The following THSD4 variants were observed in gnomAD, a reference collection of about 807,000 sequenced individuals.
The protein encoded by THSD4 is thrombospondin type 1 domain containing 4, also known as thrombospondin type-1 domain-containing protein 4.
A neutral mutation model predicts 119.0 loss-of-function variants in THSD4; 69 were observed. The observed-to-expected ratio is 0.58, with a 90% CI of 0.48 to 0.71. THSD4 has a LOEUF of 0.71. Ranked by LOEUF, THSD4 falls within the 30% of genes least tolerant of loss-of-function variation. The pLI is 0.00. For synonymous variants in THSD4, 524 were observed against 540.4 expected, an observed-to-expected ratio of 0.97 and a Z score of 0.42; for missense variants, 1,393 against 1,391.1, an observed-to-expected ratio of 1.00 and a Z score of -0.02.
At chr15:71,682,004 C>T (rs780280244) in intron 8 of THSD4, among the ~76,000 whole-genome samples, 2 of 152,190 alleles carry the variant, frequency 1.3e-5, no homozygotes, top group East Asian at 3.8e-4. Context: ...ATGTGAGGGT[C>T]ATGGGCACGG....
At chr15:71,154,249 T>A (rs556673222) in intron 2 of THSD4, among the ~76,000 whole-genome samples, 2 of 152,316 alleles carry the variant, frequency 1.3e-5, no homozygotes, top group African/African-American at 4.8e-5. Flanking sequence ...CGGCTCCTAT[T>A]TCCCCACCTC....
At chr15:71,636,171 CA>C (rs2050735052) in intron 7 of THSD4, among the ~76,000 whole-genome samples, 1 of 152,172 alleles carries the variant, frequency 6.6e-6, no homozygotes, top group African/African-American at 2.4e-5. Context: ...CCTATAATCC[CA>C]GAACTTTGGG....
chr15:71,427,797 A>G (rs137859524), intron 7 of THSD4, among the ~76,000 whole-genome samples: 1 of 152,022 alleles, frequency 6.6e-6, no homozygotes, highest in East Asian at 1.9e-4. Context: ...CCCCAGGCCC[A>G]AAAGACTTCC....
At chr15:71,276,208 C>A (rs1400237002) in intron 6 of THSD4, among the ~76,000 whole-genome samples, 7 of 152,234 alleles carry the variant, frequency 4.6e-5, no homozygotes, top group Non-Finnish European at 2.9e-5. Context: ...TCTTGTGATG[C>A]CACCATGTTT....
intron 7 of THSD4, among the ~76,000 whole-genome samples, chr15:71,613,320 G>A (rs1224642412): frequency 2.0e-5 from 3 of 152,096 alleles, no homozygotes; most frequent in South Asian, 2.1e-4. Context: ...GGTTAATTTG[G>A]TATCATTTAA....
intron 6 of THSD4, among the ~76,000 whole-genome samples, chr15:71,378,278 G>T (rs1242342259): frequency 6.6e-6 from 1 of 152,154 alleles, no homozygotes; most frequent in African/African-American, 2.4e-5. Context: ...AAATAAAGAT[G>T]CTGAGAAAGG....
intron 7 of THSD4, among the ~76,000 whole-genome samples, chr15:71,538,050 G>A (rs112418455): frequency 0.058 from 8,762 of 152,010 alleles, 279 homozygotes; most frequent in Middle Eastern, 0.095. Flanking sequence ...ATGAGCCACC[G>A]TGCCCAGCCT....
At chr15:71,745,370 A>T in intron 12 of THSD4, 135 bp downstream of exon 12, 1 of 1,217,328 alleles carries the variant, frequency 8.2e-7, no homozygotes. Context: ...CATAAAATGC[A>T]GTCTGTTTAG....
chr15:71,705,275 A>C (rs1595878190), intron 8 of THSD4, among the ~76,000 whole-genome samples: 1 of 152,218 alleles, frequency 6.6e-6, no homozygotes, highest in African/African-American at 2.4e-5. Flanking sequence ...TTTTGAGGAC[A>C]GGCTGAGCCC....
chr15:71,445,513 A>T (rs578076921), intron 7 of THSD4, among the ~76,000 whole-genome samples: 1 of 152,300 alleles, frequency 6.6e-6, no homozygotes, highest in South Asian at 2.1e-4. Flanking sequence ...TTCATTCTTC[A>T]CCAGGTGTTA....
intron 7 of THSD4, among the ~76,000 whole-genome samples, chr15:71,526,614 A>G (rs1475800419): frequency 1.3e-5 from 2 of 152,098 alleles, no homozygotes; most frequent in African/African-American, 2.4e-5. Flanking sequence ...TGGCATGTTT[A>G]TGGGTGGGAT....
At chr15:71,126,488 G>C (rs770226843) in intron 1 of THSD4, among the ~76,000 whole-genome samples, 15 of 152,236 alleles carry the variant, frequency 9.9e-5, no homozygotes, top group Non-Finnish European at 1.9e-4. Flanking sequence ...CCAGGGAATA[G>C]GGAAAGTTTA....
At chr15:71,273,228 C>T (rs545836636) in intron 6 of THSD4, among the ~76,000 whole-genome samples, 1 of 152,304 alleles carries the variant, frequency 6.6e-6, no homozygotes, top group South Asian at 2.1e-4. Flanking sequence ...GAATGAAATT[C>T]TGTAATTTGT....
intron 3 of THSD4, among the ~76,000 whole-genome samples, chr15:71,199,754 T>TG (rs1336925436): frequency 6.3e-5 from 9 of 142,002 alleles, no homozygotes; most frequent in African/African-American, 2.5e-4. Flanking sequence ...TGTGGGTGTG[T>TG]GTGATGTGTG....
intron 1 of THSD4, among the ~76,000 whole-genome samples, chr15:71,135,637 A>G (rs2040544008): frequency 6.6e-6 from 1 of 152,210 alleles, no homozygotes; most frequent in South Asian, 2.1e-4. Flanking sequence ...ACCTTGAAGA[A>G]ATAAGAGCAT....
chr15:71,177,800 T>G (rs2043461218), intron 3 of THSD4, among the ~76,000 whole-genome samples: 1 of 147,802 alleles, frequency 6.8e-6, no homozygotes, highest in South Asian at 2.3e-4. Context: ...CATGATCAAG[T>G]GGGCTTCATC....
In THSD4 at chr15:71,480,478, C is replaced by A. The variant is rs143202846; in HGVS notation, c.1152+68655C>A. ...ATTTTTTGAAATTTAAGTTGTATAT[C>A]TGTTAACTCTTGCCATAATATTGCT... On this transcript the variant is annotated intron_variant, in intron 7 of 17. Coordinates refer to ENST00000261862, the MANE Select transcript of THSD4 (RefSeq NM_024817.3). Among the ~76,000 whole-genome samples the A allele has an allele frequency of 4.6e-5, 7 of 152,300 alleles. No homozygotes were observed. In the East Asian group the frequency reaches 1.3e-3, roughly 29 times the overall value.
chr15:71,406,672 G>C (rs1463321798), intron 6 of THSD4, among the ~76,000 whole-genome samples: 3 of 148,500 alleles, frequency 2.0e-5, no homozygotes, highest in African/African-American at 4.9e-5. Context: ...GTGTGTGTGT[G>C]TGTGTGTGTG....
chr15:71,442,660 G>GTGTGTGTATGTATGTATGTATA, intron 7 of THSD4, among the ~76,000 whole-genome samples: 12 of 25,816 alleles, frequency 4.6e-4, no homozygotes, highest in Non-Finnish European at 7.4e-4. Context: ...GTGTGTGTGT[G>GTGTGTGTATGTATGTATGTATA]TATATATATA....
Sources: gnomAD v4.1 joint callset for allele counts (sites outside exome capture counted in the v4.1 genomes callset) on GRCh38, gnomAD v4.1.1 for gene constraint, MANE v1.5 for transcripts, NCBI Gene and HGNC (gene_info 2026-07-23, HGNC 2026-07-21) for gene names.